OR6C74: variants seen among roughly 807,000 people sequenced by gnomAD.
The protein encoded by OR6C74 is olfactory receptor 6C74.
For synonymous variants in OR6C74, 142 were observed against 134.2 expected (o/e 1.06, Z -0.40); for missense variants, 361 against 362.9 (o/e 0.99, Z 0.04).
chr12:55,255,272 G>A lies in OR6C74; in HGVS notation c.*7046G>A, dbSNP rs1332089462. 2.6e-5 allele frequency among the ~76,000 whole-genome samples: 4 copies of A among 152,034 alleles called. No homozygotes were observed. Among genetic ancestry groups the A allele is most frequent in the African/African-American group, 9.7e-5 (4 of 41,418 alleles). On this transcript the variant is annotated 3_prime_UTR_variant, in exon 2 of 2. Transcript: ENST00000343399. The stretch of plus-strand genomic sequence containing the variant: ...GCATTGCACCCCCTGGGGACTGGGA[G>A]GCAAAGGGAACGAGGAAACAACAGA...
chr12:55,247,354 GT>G lies in OR6C74; in HGVS notation c.68del (p.Val23GlyfsTer13). 6.2e-7 allele frequency: 1 copy of G among 1,612,576 alleles called. No individual in the cohort carries two copies. The highest frequency in any genetic ancestry group is 8.5e-7 in the Non-Finnish European group (1 of 1,178,736). On this transcript the variant is annotated frameshift_variant, in exon 2 of 2. Coordinates refer to ENST00000343399, the MANE Select transcript of OR6C74 (RefSeq NM_001005490.2). LOFTEE classifies it low-confidence loss of function (END_TRUNC). ...LGLTDDPQLQ[V>X]IIFLLLFFTY... ...ACTGACAGATGATCCACAATTACAG[GT>G]GATTATTTTTCTTCTCCTTTTTTTC...
rs887877374 is a variant in OR6C74 at position 55,254,309 on chromosome 12, T to C, written c.*6083T>C. On this transcript the variant is annotated 3_prime_UTR_variant, in exon 2 of 2. Coordinates refer to ENST00000343399, the MANE Select transcript of OR6C74 (RefSeq NM_001005490.2). ...CATAGCTAAGGGGTATGTAAGTAAA[T>C]TGCATACAATAAAGCTGTTCCATAT... 6.6e-5 allele frequency among the ~76,000 whole-genome samples: 10 copies of C among 152,072 alleles called. No individual in the cohort carries two copies. The highest frequency in any genetic ancestry group is 1.3e-4 in the Non-Finnish European group (9 of 67,972).
In OR6C74 at chr12:55,251,865, G is replaced by A. The variant is rs978146651; in HGVS notation, c.*3639G>A. Among the ~76,000 whole-genome samples, 1 of 151,584 alleles carries A rather than the reference G, an allele frequency of 6.6e-6. No homozygotes were observed. The highest frequency in any genetic ancestry group is 1.5e-5 in the Non-Finnish European group (1 of 67,748). On this transcript the variant is annotated 3_prime_UTR_variant, in exon 2 of 2. Coordinates refer to ENST00000343399, the MANE Select transcript of OR6C74 (RefSeq NM_001005490.2). Reference sequence around the variant, plus strand: ...AAATATTTAGGGTACTAATGACATGGAGCTTGAGAAAAAATTGCTTATAAG... The same window carrying A: ...AAATATTTAGGGTACTAATGACATGAAGCTTGAGAAAAAATTGCTTATAAG...
At position 55,255,557 on chromosome 12, in the gene OR6C74, T is replaced by C. The variant is rs767764437; in HGVS notation, c.*7331T>C. Among the ~76,000 whole-genome samples, 3 of 150,922 alleles carry C rather than the reference T, an allele frequency of 2.0e-5. No individual in the cohort carries two copies. The highest frequency in any genetic ancestry group is 4.4e-5 in the Non-Finnish European group (3 of 68,004). ...TGGAACCAACCCAAATGCCCATCAA[T>C]GATAGGTTGGATAAAGAAAATGTGG... is the stretch of plus-strand genomic sequence containing the variant. On this transcript the variant is annotated 3_prime_UTR_variant, in exon 2 of 2. Coordinates refer to ENST00000343399, the MANE Select transcript of OR6C74 (RefSeq NM_001005490.2).
In OR6C74 at chr12:55,252,483, A is replaced by T. The variant is rs899380136; in HGVS notation, c.*4257A>T. On this transcript the variant is annotated 3_prime_UTR_variant, in exon 2 of 2. Transcript: ENST00000343399. ...TTTTGCATTTTTATGTAATTTTCTA[A>T]AAGCACACAAATGTTTTAAAATATT... Among the ~76,000 whole-genome samples, 3 of 151,866 alleles carry T rather than the reference A, an allele frequency of 2.0e-5. No individual in the cohort carries two copies. Among genetic ancestry groups the T allele is most frequent in the African/African-American group, 4.8e-5 (2 of 41,398 alleles).
Position 55,249,961 on chromosome 12 carries a change from T to G in OR6C74, c.*1735T>G, listed in dbSNP as rs1482591473. The stretch of plus-strand genomic sequence containing the variant: ...TGATGTTCGCCTTCCTGTGTCCAGG[T>G]GTTCTTATTGTTCAATTCCCACCTA... On this transcript the variant is annotated 3_prime_UTR_variant, in exon 2 of 2. Transcript: ENST00000343399. 6.6e-6 allele frequency among the ~76,000 whole-genome samples: 1 copy of G among 152,074 alleles called. No individual in the cohort carries two copies. The highest frequency in any genetic ancestry group is 1.5e-5 in the Non-Finnish European group (1 of 68,006).
chr12:55,248,240 T>C lies in OR6C74; in HGVS notation c.*14T>C. 5 of 1,513,190 alleles carry C rather than the reference T, an allele frequency of 3.3e-6. No individual in the cohort carries two copies. The highest frequency in any genetic ancestry group is 4.6e-6 in the Non-Finnish European group (5 of 1,097,450). 93.7% of individuals were successfully genotyped at this position (1,513,190 alleles called of 1,614,324 possible). The stretch of plus-strand genomic sequence containing the variant: ...TCAATGAAATGAATCACTTTAACGA[T>C]ATTATTAAGGTTATTAGTAAAATAA... On this transcript the variant is annotated 3_prime_UTR_variant, in exon 2 of 2. Coordinates refer to ENST00000343399, the MANE Select transcript of OR6C74 (RefSeq NM_001005490.2).
At chr12:55,245,573 A>G (rs1356126023) in intron 1 of OR6C74, among the ~76,000 whole-genome samples, 2 of 152,166 alleles carry the variant, frequency 1.3e-5, no homozygotes, top group Admixed American at 6.5e-5. Flanking sequence ...GGTTGGAAAC[A>G]TATGACTATT....
Position 55,247,498 on chromosome 12 carries a change from T to C in OR6C74, c.211T>C (p.Phe71Leu). The C allele has an allele frequency of 6.2e-7, 1 of 1,613,724 alleles. No homozygotes were observed. Among genetic ancestry groups the C allele is most frequent in the Non-Finnish European group, 8.5e-7 (1 of 1,179,794 alleles). ...LRNFSFLEVSFTTVYIPKFLV... is the reference protein window; with the variant it reads ...LRNFSFLEVSLTTVYIPKFLV... ...AAATTTCTCATTTTTAGAAGTCTCA[T>C]TCACAACTGTCTACATTCCCAAATT... is the stretch of plus-strand genomic sequence containing the variant. Residue 71 changes from phenylalanine (F) to leucine (L), a missense_variant, in exon 2 of 2, where the codon TTC (phenylalanine) becomes CTC (leucine). Physicochemically the swap from Phe to Leu is conservative, Grantham distance 22. Coordinates refer to ENST00000343399, the MANE Select transcript of OR6C74 (RefSeq NM_001005490.2).
rs1421216370 is a variant in OR6C74 at position 55,248,176 on chromosome 12, G to A, written c.889G>A (p.Asp297Asn). 6.2e-7 allele frequency: 1 copy of A among 1,613,102 alleles called. No individual in the cohort carries two copies. The highest frequency in any genetic ancestry group is 2.2e-5 in the East Asian group (1 of 44,846). The change falls in exon 2 of 2, where the codon GAT becomes AAT. Residue 297 changes from aspartate (D) to asparagine (N), a missense_variant. By Grantham distance (23) the Asp-to-Asn change is conservative. Coordinates refer to ENST00000343399, the MANE Select transcript of OR6C74 (RefSeq NM_001005490.2). ...IYTLRNKQVKDVFKHTVKKIE... is the reference protein window; with the variant it reads ...IYTLRNKQVKNVFKHTVKKIE... ...TACACTGAGAAACAAACAAGTAAAA[G>A]ATGTTTTTAAGCACACAGTCAAAAA...
Position 55,255,276 on chromosome 12 carries a change from A to AAGGGAACG in OR6C74, c.*7054_*7061dup, listed in dbSNP as rs1954336171. On this transcript the variant is annotated 3_prime_UTR_variant, in exon 2 of 2. Coordinates refer to ENST00000343399, the MANE Select transcript of OR6C74 (RefSeq NM_001005490.2). ...TGCACCCCCTGGGGACTGGGAGGCA[A>AAGGGAACG]AGGGAACGAGGAAACAACAGATGTT... Among the ~76,000 whole-genome samples the AAGGGAACG allele has an allele frequency of 6.6e-6, 1 of 152,042 alleles. No homozygotes were observed. The highest frequency in any genetic ancestry group is 2.1e-4 in the South Asian group (1 of 4,830).
At position 55,247,952 on chromosome 12, in the gene OR6C74, C is replaced by G. The variant is rs764461738; in HGVS notation, c.665C>G (p.Thr222Ser). Reference sequence around the variant, plus strand: ...CTCTCCTACACAAATATTATCAGGACTATTCTGAAAATACCTTCTTCTCAA... The same window carrying G: ...CTCTCCTACACAAATATTATCAGGAGTATTCTGAAAATACCTTCTTCTCAA... ...VILSYTNIIR[T>S]ILKIPSSQQR... The change falls in exon 2 of 2, where the codon ACT becomes AGT. Residue 222 changes from threonine (T) to serine (S), a missense_variant. By Grantham distance (58) the Thr-to-Ser change is moderately conservative. Coordinates refer to ENST00000343399, the MANE Select transcript of OR6C74 (RefSeq NM_001005490.2). The G allele has an allele frequency of 1.5e-5, 24 of 1,613,836 alleles. No individual in the cohort carries two copies. In the South Asian group the frequency reaches 2.5e-4, roughly 17 times the overall value.
rs970401428 is a variant in OR6C74, at chr12:55,256,247, A to G, written c.*8021A>G. Among the ~76,000 whole-genome samples, 3 of 152,006 alleles carry G rather than the reference A, an allele frequency of 2.0e-5. No homozygotes were observed. The highest frequency in any genetic ancestry group is 6.6e-5 in the Admixed American group (1 of 15,254). On this transcript the variant is annotated 3_prime_UTR_variant, in exon 2 of 2. Transcript: ENST00000343399. ...GGAATGGAATGGGACCCTTGTGTAG[A>G]GCCTATAAATGGACGCATTGGGGGG...
chr12:55,245,328 G>A (rs1472907212), intron 1 of OR6C74, among the ~76,000 whole-genome samples: 1 of 152,040 alleles, frequency 6.6e-6, no homozygotes, highest in Non-Finnish European at 1.5e-5. Context: ...TTTCCCTTCT[G>A]TAATTATAAT....
rs775430736 is a variant in OR6C74 at position 55,247,659 on chromosome 12, C to A, written c.372C>A (p.Ile124=). The A allele has an allele frequency of 6.2e-7, 1 of 1,613,812 alleles. No individual in the cohort carries two copies. Among genetic ancestry groups the A allele is most frequent in the African/African-American group, 1.3e-5 (1 of 74,890 alleles). The part of the protein sequence containing the change: ...AAMSYERYVA[I]CKPLHYTTIM... ...TGTCCTATGAGCGCTATGTGGCCAT[C>A]TGCAAACCCCTGCATTACACCACCA... Residue 124 remains isoleucine (I), a synonymous_variant, in exon 2 of 2, where the codon ATC becomes ATA. Coordinates refer to ENST00000343399, the MANE Select transcript of OR6C74 (RefSeq NM_001005490.2).
Position 55,250,737 on chromosome 12 carries a change from T to A in OR6C74, c.*2511T>A, listed in dbSNP as rs1954306862. On this transcript the variant is annotated 3_prime_UTR_variant, in exon 2 of 2. Transcript: ENST00000343399. Reference sequence around the variant, plus strand: ...AGTGAAAAGGAAAAAAATAACCAACTGTTTTTCACCAGTATTAGGTTGGCG... The same window carrying A: ...AGTGAAAAGGAAAAAAATAACCAACAGTTTTTCACCAGTATTAGGTTGGCG... Among the ~76,000 whole-genome samples the A allele has an allele frequency of 6.6e-6, 1 of 152,098 alleles. No individual in the cohort carries two copies. Among genetic ancestry groups the A allele is most frequent in the Non-Finnish European group, 1.5e-5 (1 of 67,998 alleles).
At chr12:55,246,145 G>A (rs1954268913) in intron 1 of OR6C74, among the ~76,000 whole-genome samples, 2 of 152,062 alleles carry the variant, frequency 1.3e-5, no homozygotes, top group Non-Finnish European at 2.9e-5. Flanking sequence ...GGTGATAAAC[G>A]TGAGGACCTA....
In OR6C74 at chr12:55,252,403, C is replaced by G. The variant is rs1216686748; in HGVS notation, c.*4177C>G. Among the ~76,000 whole-genome samples, 6 of 134,826 alleles carry G rather than the reference C, an allele frequency of 4.5e-5. No homozygotes were observed. The highest frequency in any genetic ancestry group is 6.6e-5 in the Non-Finnish European group (4 of 60,752). 88.5% of individuals were successfully genotyped at this position (134,826 alleles called of 152,430 possible). A position where few individuals can be genotyped will look rare whatever the true frequency, so the allele number is the denominator to read the frequency against. On this transcript the variant is annotated 3_prime_UTR_variant, in exon 2 of 2. Coordinates refer to ENST00000343399, the MANE Select transcript of OR6C74 (RefSeq NM_001005490.2). ...ACAATAATTATTCTTCAATCCCATTCAAATATGCTTTTTTTTTTGAAATTG... is the reference window on the plus strand; with the variant it reads ...ACAATAATTATTCTTCAATCCCATTGAAATATGCTTTTTTTTTTGAAATTG...
rs549419063 is a variant in OR6C74, at chr12:55,244,654, C to A, written c.-173C>A. Among the ~76,000 whole-genome samples the A allele has an allele frequency of 6.6e-6, 1 of 152,164 alleles. No individual in the cohort carries two copies. Among genetic ancestry groups the A allele is most frequent in the East Asian group, 1.9e-4 (1 of 5,182 alleles). On this transcript the variant is annotated 5_prime_UTR_variant, in exon 1 of 2. Coordinates refer to ENST00000343399, the MANE Select transcript of OR6C74 (RefSeq NM_001005490.2). ...CTCAGCGTGAACAACAAGCTAGAAA[C>A]CTTCTCTTTGTTCTTCTTCTCTCTA...
Sources: allele counts gnomAD v4.1 joint callset (sites outside exome capture counted in the v4.1 genomes callset), GRCh38; gene constraint gnomAD v4.1.1; transcripts MANE v1.5; gene names NCBI Gene and HGNC (gene_info 2026-07-23, HGNC 2026-07-21).